The following EYS variants were observed in gnomAD, a reference collection of about 807,000 sequenced individuals.
EYS encodes protein eyes shut homolog.
EYS carries 250 observed loss-of-function variants against 282.1 expected under a neutral mutation model. The observed-to-expected ratio is 0.89, with a 90% CI of 0.80 to 0.98. The LOEUF (loss-of-function observed/expected upper bound fraction) is 0.98, where lower values mean the gene tolerates loss of function less well. Ranked by LOEUF, EYS falls within the 50% of genes least tolerant of loss-of-function variation. The pLI is 0.00. For missense variants in EYS, 4,016 were observed against 3,709.0 expected, an observed-to-expected ratio of 1.08 and a Z score of -2.15; for synonymous variants, 1,355 against 1,282.9, an observed-to-expected ratio of 1.06 and a Z score of -1.20.
At chr6:65,670,316 G>A (rs1207864979) in intron 1 of EYS, among the ~76,000 whole-genome samples, 1 of 152,042 alleles carries the variant, frequency 6.6e-6, no homozygotes, top group Non-Finnish European at 1.5e-5. Context: ...TGCATGGATG[G>A]ACCTTTTGGT....
intron 1 of EYS, among the ~76,000 whole-genome samples, chr6:65,690,467 C>G (rs1769200457): frequency 1.3e-5 from 2 of 149,854 alleles, no homozygotes; most frequent in Admixed American, 6.7e-5. Context: ...ATCTGCTTTT[C>G]TGGGATAGGA....
At chr6:65,061,713 ATC>A (rs1773580074) in intron 12 of EYS, among the ~76,000 whole-genome samples, 1 of 151,846 alleles carries the variant, frequency 6.6e-6, no homozygotes, top group South Asian at 2.1e-4. Context: ...CTGAATTTTA[ATC>A]TGTTACTTAA....
At chr6:64,115,071 C>A (rs947563350) in intron 31 of EYS, among the ~76,000 whole-genome samples, 2 of 152,172 alleles carry the variant, frequency 1.3e-5, no homozygotes, top group Non-Finnish European at 2.9e-5. Flanking sequence ...AGCTCTAGAC[C>A]TTGGCGCTAT....
chr6:65,258,611 T>C (rs1767535801), intron 12 of EYS, among the ~76,000 whole-genome samples: 1 of 152,080 alleles, frequency 6.6e-6, no homozygotes, highest in African/African-American at 2.4e-5. Context: ...CTTTCTTGCA[T>C]TGGTTAAAAA....
At chr6:64,505,494 C>G (rs1274917103) in intron 26 of EYS, among the ~76,000 whole-genome samples, 1 of 152,180 alleles carries the variant, frequency 6.6e-6, no homozygotes, top group Non-Finnish European at 1.5e-5. Context: ...ACCGGCTCAC[C>G]CTCAATGATG....
intron 12 of EYS, among the ~76,000 whole-genome samples, chr6:65,292,636 C>A (rs1768557776): frequency 1.3e-5 from 2 of 151,694 alleles, no homozygotes; most frequent in East Asian, 1.9e-4. Flanking sequence ...GAAATTATAA[C>A]CTGAAGGAAT....
At chr6:64,388,419 G>A (rs2150424711) in intron 29 of EYS, among the ~76,000 whole-genome samples, 1 of 152,148 alleles carries the variant, frequency 6.6e-6, no homozygotes. Flanking sequence ...ATAGTATTGA[G>A]AAATGTAATA....
chr6:65,699,891 A>G (rs2812776), intron 1 of EYS, among the ~76,000 whole-genome samples: 122,959 of 150,802 alleles, frequency 0.82, 50,213 homozygotes, highest in East Asian at 0.85. Context: ...GAGGCGGGCG[A>G]ATCATGAGGT....
chr6:65,227,360 A>G (rs966445908), intron 12 of EYS, among the ~76,000 whole-genome samples: 1 of 152,132 alleles, frequency 6.6e-6, no homozygotes, highest in Admixed American at 6.6e-5. Context: ...GTGAGGTGAT[A>G]AAACAGAAGA....
rs140677122 is a variant in EYS at position 63,747,850 on chromosome 6, A to G, written c.8071+14611T>C. ...TTTGAGCCTATGTGTGTCTTTGCACATGAGATGTGTCTCCTGAATACAGCA... is the reference window on the plus strand; with the variant it reads ...TTTGAGCCTATGTGTGTCTTTGCACGTGAGATGTGTCTCCTGAATACAGCA... On this transcript the variant is annotated intron_variant, in intron 41 of 42. Coordinates refer to ENST00000503581, the MANE Select transcript of EYS (RefSeq NM_001142800.2). Among the ~76,000 whole-genome samples, 613 of 151,998 alleles carry G rather than the reference A, an allele frequency of 4.0e-3. 6 individuals are homozygous for G. Among genetic ancestry groups the G allele is most frequent in the African/African-American group, 0.014 (589 of 41,456 alleles).
chr6:64,387,746 G>C (rs1772960809), intron 29 of EYS, among the ~76,000 whole-genome samples: 1 of 152,126 alleles, frequency 6.6e-6, no homozygotes, highest in South Asian at 2.1e-4. Context: ...TAAACATACT[G>C]CTAATGGAGT....
At chr6:64,839,069 CT>C (rs1480017274) in intron 19 of EYS, among the ~76,000 whole-genome samples, 1 of 152,000 alleles carries the variant, frequency 6.6e-6, no homozygotes, top group African/African-American at 2.4e-5. Context: ...AACAGAAATT[CT>C]GTCATTATTC....
At chr6:65,694,289 A>G (rs12529251) in intron 1 of EYS, among the ~76,000 whole-genome samples, 120,451 of 149,286 alleles carry the variant, frequency 0.81, 49,617 homozygotes, top group Non-Finnish European at 0.83. Context: ...AAATATATAT[A>G]TATGTATAAT....
chr6:64,263,023 G>T (rs1310156505), intron 30 of EYS, among the ~76,000 whole-genome samples: 1 of 151,892 alleles, frequency 6.6e-6, no homozygotes, highest in Non-Finnish European at 1.5e-5. Context: ...AATTCTGCAG[G>T]CTATGGAAGC....
chr6:65,443,390 GCATA>G (rs1164937558), intron 5 of EYS, among the ~76,000 whole-genome samples: 1 of 100,784 alleles, frequency 9.9e-6, no homozygotes, highest in African/African-American at 2.7e-5. Flanking sequence ...AGACATATAT[GCATA>G]CATGTATGTA....
chr6:65,144,761 T>C (rs1427291192), intron 12 of EYS, among the ~76,000 whole-genome samples: 1 of 151,092 alleles, frequency 6.6e-6, no homozygotes, highest in Non-Finnish European at 1.5e-5. Flanking sequence ...TACCCATTAG[T>C]TTACTTACTT....
At chr6:65,620,743 G>A (rs1271190806) in intron 2 of EYS, among the ~76,000 whole-genome samples, 2 of 150,992 alleles carry the variant, frequency 1.3e-5, no homozygotes, top group Admixed American at 6.6e-5. Context: ...AGAGATTCTG[G>A]CATGTTGTGT....
intron 42 of EYS, among the ~76,000 whole-genome samples, chr6:63,726,294 T>C (rs976946296): frequency 1.3e-5 from 2 of 152,222 alleles, no homozygotes; most frequent in African/African-American, 2.4e-5. Flanking sequence ...AAGTTGAGCA[T>C]ATACTATATT....
At chr6:65,538,460 G>A (rs950310093) in intron 2 of EYS, among the ~76,000 whole-genome samples, 8 of 152,096 alleles carry the variant, frequency 5.3e-5, no homozygotes, top group African/African-American at 1.9e-4. Context: ...AGATCCTGTT[G>A]TTAAGTGCTT....
Sources: gnomAD v4.1 joint callset for allele counts (sites outside exome capture counted in the v4.1 genomes callset) on GRCh38, gnomAD v4.1.1 for gene constraint, MANE v1.5 for transcripts, NCBI Gene and HGNC (gene_info 2026-07-23, HGNC 2026-07-21) for gene names.